ZNF609: variants seen among roughly 807,000 people sequenced by gnomAD.
ZNF609 encodes the protein zinc finger protein 609.
Under a neutral mutation model 109.5 loss-of-function variants are expected in ZNF609, and 11 were observed. That is an observed-to-expected ratio of 0.10 (90% confidence interval 0.06 to 0.17). The LOEUF (loss-of-function observed/expected upper bound fraction) is 0.17, where lower values mean the gene tolerates loss of function less well. Ranked by LOEUF, ZNF609 falls within the 10% of genes least tolerant of loss-of-function variation. The probability of loss-of-function intolerance (pLI) is 1.00; values close to 1 mark genes in which losing one functional copy is unlikely to be tolerated. For synonymous variants in ZNF609, 646 were observed against 662.0 expected, an observed-to-expected ratio of 0.98 and a Z score of 0.37; for missense variants, 1,559 against 1,772.4, an observed-to-expected ratio of 0.88 and a Z score of 2.16.
At chr15:64,537,279 C>T (rs1281979751) in intron 2 of ZNF609, among the ~76,000 whole-genome samples, 1 of 151,378 alleles carries the variant, frequency 6.6e-6, no homozygotes, top group Non-Finnish European at 1.5e-5. Flanking sequence ...GGGTGGATCA[C>T]CTGAGGTTGG....
At chr15:64,563,804 CAAAAA>C (rs1378377106) in intron 2 of ZNF609, among the ~76,000 whole-genome samples, 1 of 151,048 alleles carries the variant, frequency 6.6e-6, no homozygotes, top group South Asian at 2.1e-4. Context: ...CAAAACAAAA[CAAAAA>C]AACCCATATA....
intron 2 of ZNF609, among the ~76,000 whole-genome samples, chr15:64,611,494 T>C (rs1407620488): frequency 6.6e-6 from 1 of 152,160 alleles, no homozygotes; most frequent in African/African-American, 2.4e-5. Flanking sequence ...AATTTATCTG[T>C]TTCCCACACA....
intron 2 of ZNF609, among the ~76,000 whole-genome samples, chr15:64,536,410 G>A (rs1045573943): frequency 5.3e-5 from 8 of 152,056 alleles, no homozygotes; most frequent in South Asian, 4.1e-4. Context: ...GACTTCCTGG[G>A]AATTCAGTGA....
At position 64,684,087 on chromosome 15, in the gene ZNF609, T is replaced by G. The variant is rs2083227105; in HGVS notation, c.*2401T>G. ...AGGTGAAAGCCACCATGGCAGATCC[T>G]GATGCCTGCCGGGCCTAGTCTTCCC... is the stretch of plus-strand genomic sequence containing the variant. On this transcript the variant is annotated 3_prime_UTR_variant, in exon 10 of 10. Coordinates refer to ENST00000326648, the MANE Select transcript of ZNF609 (RefSeq NM_015042.2). 2 of 152,250 alleles carry G rather than the reference T, an allele frequency of 1.3e-5. No individual in the cohort carries two copies. The highest frequency in any genetic ancestry group is 4.1e-4 in the South Asian group (2 of 4,824). 9.4% of individuals were successfully genotyped at this position (152,250 alleles called of 1,614,324 possible). A position where few individuals can be genotyped will look rare whatever the true frequency, so the allele number is the denominator to read the frequency against.
In ZNF609 at chr15:64,584,215, T is replaced by G. The variant is rs28634465; in HGVS notation, c.748-38612T>G. Among the ~76,000 whole-genome samples, 117 of 152,298 alleles carry G rather than the reference T, an allele frequency of 7.7e-4. 1 individual carries two copies. The highest frequency in any genetic ancestry group is 2.6e-3 in the African/African-American group (107 of 41,570). ...AACTAGGATCTCTGACTCGGCACTT[T>G]GGGAGGCCGAGGCAGGTGGATTGTT... is the stretch of plus-strand genomic sequence containing the variant. On this transcript the variant is annotated intron_variant, in intron 2 of 9. Transcript: ENST00000326648.
intron 3 of ZNF609, among the ~76,000 whole-genome samples, chr15:64,653,587 A>G (rs1896447842): frequency 6.6e-6 from 1 of 152,140 alleles, no homozygotes; most frequent in Admixed American, 6.6e-5. Context: ...CAGAGGTTGC[A>G]GTGAGCTGAG....
chr15:64,675,513 A>G lies in ZNF609; in HGVS notation c.2659A>G (p.Lys887Glu). Residue 887 changes from lysine to glutamate, a missense_variant, in exon 5 of 10, where the codon AAA (lysine) becomes GAA (glutamate). By Grantham distance (56) the Lys-to-Glu change is moderately conservative. Coordinates refer to ENST00000326648, the MANE Select transcript of ZNF609 (RefSeq NM_015042.2). ...TCTTTTTCCCCCTCAGCCTCAGAGC[A>G]AAGACTCACCATATTACCAAGGCTT... ...KTLFPPQPQSKDSPYYQGFES... is the reference protein window; with the variant it reads ...KTLFPPQPQSEDSPYYQGFES... 2 of 1,614,224 alleles carry G rather than the reference A, an allele frequency of 1.2e-6. No homozygotes were observed.
chr15:64,674,171 G>A lies in ZNF609; in HGVS notation c.1317G>A (p.Lys439=). 4 of 1,614,164 alleles carry A rather than the reference G, an allele frequency of 2.5e-6. No individual in the cohort carries two copies. The highest frequency in any genetic ancestry group is 3.4e-6 in the Non-Finnish European group (4 of 1,180,024). Reference sequence around the variant, plus strand: ...AGGCCAGCCCTTCCTCAGCTAATAAGCGGAAAAACAAACCCCTTTCAGACA... The same window carrying A: ...AGGCCAGCCCTTCCTCAGCTAATAAACGGAAAAACAAACCCCTTTCAGACA... ...DVKASPSSAN[K]RKNKPLSDME... is the part of the protein sequence containing the mutation. The change falls in exon 5 of 10, where the codon AAG becomes AAA. Residue 439 remains lysine, a synonymous_variant. Coordinates refer to ENST00000326648, the MANE Select transcript of ZNF609 (RefSeq NM_015042.2).
chr15:64,503,393 TC>T (rs1327257568), intron 2 of ZNF609, among the ~76,000 whole-genome samples: 1 of 152,206 alleles, frequency 6.6e-6, no homozygotes. Flanking sequence ...TCTTGCCTGT[TC>T]CCTTGCCTTT....
Position 64,646,505 on chromosome 15 carries a change from A to G in ZNF609, c.973+23453A>G, listed in dbSNP as rs549878265. The stretch of plus-strand genomic sequence containing the variant: ...AAAAATTAGCCAAGTTTGGTGGCAC[A>G]CACCTGTAACCCTAGCTACACGGGA... On this transcript the variant is annotated intron_variant, in intron 3 of 9. Transcript: ENST00000326648. Among the ~76,000 whole-genome samples, 47 of 151,154 alleles carry G rather than the reference A, an allele frequency of 3.1e-4. No homozygotes were observed. In the South Asian group the frequency reaches 9.2e-3, roughly 30 times the overall value.
intron 3 of ZNF609, among the ~76,000 whole-genome samples, chr15:64,642,498 A>T (rs534669336): frequency 2.0e-5 from 3 of 149,964 alleles, no homozygotes; most frequent in South Asian, 2.1e-4. Context: ...ATGACAGTTT[A>T]AAAAAAAAAG....
At chr15:64,556,941 A>C in intron 2 of ZNF609, among the ~76,000 whole-genome samples, 1 of 152,300 alleles carries the variant, frequency 6.6e-6, no homozygotes, top group South Asian at 2.1e-4. Context: ...TTTCAACATT[A>C]AAGATTAAAA....
chr15:64,472,241 A>G (rs1302396081), intron 1 of ZNF609, among the ~76,000 whole-genome samples: 3 of 152,232 alleles, frequency 2.0e-5, no homozygotes, highest in Non-Finnish European at 2.9e-5. Flanking sequence ...ATGGTTTAAA[A>G]AAAGTGTGAA....
intron 2 of ZNF609, among the ~76,000 whole-genome samples, chr15:64,534,735 TA>T (rs1894114485): frequency 6.6e-6 from 1 of 151,974 alleles, no homozygotes; most frequent in African/African-American, 2.4e-5. Context: ...TTTTGTTATA[TA>T]AAAACTGTTA....
intron 2 of ZNF609, among the ~76,000 whole-genome samples, chr15:64,511,704 C>G (rs1324057270): frequency 6.6e-6 from 1 of 151,092 alleles, no homozygotes; most frequent in East Asian, 1.9e-4. Flanking sequence ...CTGGAGACTC[C>G]AAGCATGTAA....
intron 3 of ZNF609, among the ~76,000 whole-genome samples, chr15:64,625,932 T>TAG (rs1199923891): frequency 5.8e-4 from 43 of 74,598 alleles, no homozygotes; most frequent in African/African-American, 1.3e-3. Flanking sequence ...TATATATATA[T>TAG]ATATAGAGAG....
chr15:64,599,168 G>GTTTTTTT (rs556122154), intron 2 of ZNF609, among the ~76,000 whole-genome samples: 67 of 46,498 alleles, frequency 1.4e-3, no homozygotes, highest in African/African-American at 2.4e-3. Flanking sequence ...TTTTGTGGTG[G>GTTTTTTT]TTTTTTTTTT....
chr15:64,488,625 A>G (rs939500636), intron 1 of ZNF609, among the ~76,000 whole-genome samples: 1 of 152,126 alleles, frequency 6.6e-6, no homozygotes, highest in African/African-American at 2.4e-5. Context: ...TTTTGATAAG[A>G]GAAGTTTTCT....
chr15:64,673,150 A>G (rs1485509725), intron 4 of ZNF609, among the ~76,000 whole-genome samples: 2 of 152,204 alleles, frequency 1.3e-5, no homozygotes, highest in African/African-American at 2.4e-5. Context: ...GTAGCTTTAC[A>G]GTAGAACTGT....
Sources: gnomAD v4.1 joint callset for allele counts (sites outside exome capture counted in the v4.1 genomes callset) on GRCh38, gnomAD v4.1.1 for gene constraint, MANE v1.5 for transcripts, NCBI Gene and HGNC (gene_info 2026-07-23, HGNC 2026-07-21) for gene names.